The following WRN variants were observed in gnomAD, a reference collection of about 807,000 sequenced individuals.
WRN encodes WRN RecQ like helicase, also known as bifunctional 3'-5' exonuclease/ATP-dependent helicase WRN.
Under a neutral mutation model 180.7 loss-of-function variants are expected in WRN, and 149 were observed. The observed-to-expected ratio is 0.82, with a 90% CI of 0.72 to 0.94. The LOEUF (loss-of-function observed/expected upper bound fraction) is 0.94. Among genes scored for constraint, WRN ranks in the 40% least tolerant of loss-of-function variants. The pLI is 0.00. For synonymous variants in WRN, 548 were observed against 568.9 expected, an observed-to-expected ratio of 0.96 and a Z score of 0.52; for missense variants, 1,661 against 1,700.1, an observed-to-expected ratio of 0.98 and a Z score of 0.40.
chr8:31,072,364 G>A (rs1812944583), intron 7 of WRN, among the ~76,000 whole-genome samples: 1 of 152,200 alleles, frequency 6.6e-6, no homozygotes, highest in African/African-American at 2.4e-5. Flanking sequence ...GTGATTTGAG[G>A]AGTGGTCATT....
At chr8:31,110,578 G>C (rs11574280) in intron 18 of WRN, among the ~76,000 whole-genome samples, 1 of 151,958 alleles carries the variant, frequency 6.6e-6, no homozygotes, top group Admixed American at 6.5e-5. Flanking sequence ...TTTTAATTTT[G>C]AGTCATATTC....
rs2130032327 is a variant in WRN at position 31,064,340 on chromosome 8, A to G, written c.261A>G (p.Pro87=). The change falls in exon 4 of 35, where the codon CCA becomes CCG. Residue 87 remains proline, a synonymous_variant. Coordinates refer to ENST00000298139, the MANE Select transcript of WRN (RefSeq NM_000553.6). Reference sequence around the variant, plus strand: ...TGGGATTTGACATGGAGTGGCCACCATTATACAATAGAGGGAAACTTGGCA... The same window carrying G: ...TGGGATTTGACATGGAGTGGCCACCGTTATACAATAGAGGGAAACTTGGCA... ...DVVGFDMEWP[P]LYNRGKLGKV... 1.9e-6 allele frequency: 3 copies of G among 1,614,150 alleles called. No individual in the cohort carries two copies. Among genetic ancestry groups the G allele is most frequent in the Non-Finnish European group, 2.5e-6 (3 of 1,180,008 alleles).
chr8:31,132,281 G>C, intron 23 of WRN, 84 bp from the exon 24 acceptor site: 4 of 1,507,532 alleles, frequency 2.7e-6, no homozygotes, highest in Non-Finnish European at 3.6e-6. Context: ...TTTTTTACTT[G>C]GCTAATTGTT....
chr8:31,068,318 A>G lies in WRN; in HGVS notation c.715A>G (p.Ile239Val), dbSNP rs781741859. Reference protein sequence around the residue: ...ILDDTVQRFAINKEEEILLSD... With the variant: ...ILDDTVQRFAVNKEEEILLSD... The stretch of plus-strand genomic sequence containing the variant: ...GGATGATACTGTGCAAAGGTTTGCT[A>G]TAAATAAAGGTATGTTAAGATCCAT... The change falls in exon 7 of 35, where the codon ATA (isoleucine) becomes GTA (valine). Residue 239 changes from isoleucine (I) to valine (V), a missense_variant. By Grantham distance (29) the Ile-to-Val change is conservative. This residue lies in a region of WRN where 500 missense variants were observed against 504.1 expected (regional missense o/e 0.99). Coordinates refer to ENST00000298139, the MANE Select transcript of WRN (RefSeq NM_000553.6). 1.2e-5 allele frequency: 19 copies of G among 1,605,692 alleles called. No homozygotes were observed. The highest frequency in any genetic ancestry group is 2.2e-5 in the East Asian group (1 of 44,750).
rs72226104 is a variant in WRN at position 31,049,210 on chromosome 8, C to CAAAAAAA, written c.-76-9141_-76-9135dup. Among the ~76,000 whole-genome samples the CAAAAAAA allele has an allele frequency of 1.8e-3, 57 of 31,690 alleles. 2 individuals are homozygous for CAAAAAAA. The highest frequency in any genetic ancestry group is 2.7e-3 in the South Asian group (1 of 370). The allele number at this position is 31,690 out of a possible 152,430, so 20.8% of individuals were successfully genotyped here. ...TGGGCGACAGTGCGAGACTCTGTCT[C>CAAAAAAA]AAAAAAAAAAAAAAAAAAAAAAAAA... On this transcript the variant is annotated intron_variant, in intron 1 of 34. Coordinates refer to ENST00000298139, the MANE Select transcript of WRN (RefSeq NM_000553.6).
At chr8:31,060,783 G>A (rs1392632171) in intron 3 of WRN, among the ~76,000 whole-genome samples, 2 of 152,112 alleles carry the variant, frequency 1.3e-5, no homozygotes, top group East Asian at 3.9e-4. Context: ...ATATCTGAAG[G>A]CAATTAGCAC....
intron 19 of WRN, among the ~76,000 whole-genome samples, chr8:31,113,231 A>G (rs1477516045): frequency 1.3e-5 from 2 of 151,782 alleles, no homozygotes; most frequent in African/African-American, 4.8e-5. Flanking sequence ...GCTTCTACCA[A>G]TACAAACACA....
intron 1 of WRN, among the ~76,000 whole-genome samples, chr8:31,046,823 C>G (rs1027555829): frequency 1.2e-4 from 19 of 152,194 alleles, no homozygotes; most frequent in African/African-American, 4.6e-4. Context: ...ATTCATAAAA[C>G]AGAGTCTCTG....
intron 1 of WRN, among the ~76,000 whole-genome samples, chr8:31,036,494 T>C (rs942362126): frequency 6.6e-6 from 1 of 152,196 alleles, no homozygotes; most frequent in Non-Finnish European, 1.5e-5. Context: ...AGTTCCCTTT[T>C]CTCCACATCC....
chr8:31,131,319 C>A (rs1467827771), intron 23 of WRN, among the ~76,000 whole-genome samples: 1 of 151,874 alleles, frequency 6.6e-6, no homozygotes, highest in African/African-American at 2.4e-5. Flanking sequence ...CCATGCCTGG[C>A]TAATTTTTGT....
intron 33 of WRN, among the ~76,000 whole-genome samples, chr8:31,163,364 G>C (rs1803713388): frequency 6.6e-6 from 1 of 152,180 alleles, no homozygotes; most frequent in Non-Finnish European, 1.5e-5. Context: ...AATGAAACTG[G>C]AAATCATTAC....
At chr8:31,067,738 A>C (rs1227024957) in intron 6 of WRN, among the ~76,000 whole-genome samples, 1 of 152,170 alleles carries the variant, frequency 6.6e-6, no homozygotes, top group Non-Finnish European at 1.5e-5. Context: ...TTTTTAAGAA[A>C]TGTATTTTAT....
At chr8:31,145,709 G>A (rs552569116) in intron 28 of WRN, among the ~76,000 whole-genome samples, 2 of 152,258 alleles carry the variant, frequency 1.3e-5, no homozygotes, top group African/African-American at 4.8e-5. Context: ...GGGTTTTTAA[G>A]AGGTTTTCCA....
At chr8:31,141,803 C>G in intron 26 of WRN, 28 bp downstream of exon 26, 1 of 1,597,400 alleles carries the variant, frequency 6.3e-7, no homozygotes, top group South Asian at 1.1e-5. Context: ...TTTCTTGTAA[C>G]TTCTGCATTT....
chr8:31,111,974 G>A (rs1012634763), intron 19 of WRN, among the ~76,000 whole-genome samples, 175 bp downstream of exon 19: 1 of 152,032 alleles, frequency 6.6e-6, no homozygotes, highest in Non-Finnish European at 1.5e-5. Flanking sequence ...CAGTGATTGA[G>A]ACTAGTGTAT....
intron 7 of WRN, among the ~76,000 whole-genome samples, chr8:31,071,701 C>T (rs768641652): frequency 6.6e-6 from 1 of 152,100 alleles, no homozygotes; most frequent in Non-Finnish European, 1.5e-5. Context: ...AGGCTGGTCT[C>T]GAACTCCTGG....
rs572353947 is a variant in WRN at position 31,141,616 on chromosome 8, G to C, written c.3138+16G>C. On this transcript the variant is annotated intron_variant, in intron 25 of 34. Transcript: ENST00000298139. The stretch of plus-strand genomic sequence containing the variant: ...TACGAAAAAGGTAAACGGTGTAGGA[G>C]TCTGCCTGTTTGACTTAATTTTGTT... 34 of 1,614,086 alleles carry C rather than the reference G, an allele frequency of 2.1e-5. 1 individual carries two copies. The South Asian group carries it at 3.4e-4, about 16-fold the overall frequency.
chr8:31,137,780 G>A (rs555943307), intron 24 of WRN, among the ~76,000 whole-genome samples: 2 of 152,044 alleles, frequency 1.3e-5, no homozygotes, highest in African/African-American at 4.8e-5. Context: ...GTGTGGAGGG[G>A]GTGCGTGTGA....
Position 31,157,456 on chromosome 8 carries a change from T to A in WRN, c.3908T>A (p.Leu1303Ter). The A allele has an allele frequency of 6.2e-7, 1 of 1,614,188 alleles. No individual in the cohort carries two copies. The highest frequency in any genetic ancestry group is 8.5e-7 in the Non-Finnish European group (1 of 1,180,028). The change falls in exon 33 of 35, where the codon TTG (leucine) becomes TAG (stop). Residue 1303 changes from leucine (L) to a stop codon, truncating the protein, a stop_gained. Transcript: ENST00000298139. LOFTEE classifies it high-confidence loss of function. ...QAVKAGCPLD[L>*]ERAGLTPEVQ... ...GTGAAAGCTGGCTGCCCCCTTGATTTGGAGCGAGCAGGCCTGACTCCAGAG... is the reference window on the plus strand; with the variant it reads ...GTGAAAGCTGGCTGCCCCCTTGATTAGGAGCGAGCAGGCCTGACTCCAGAG...
Sources: allele counts gnomAD v4.1 joint callset (sites outside exome capture counted in the v4.1 genomes callset), GRCh38; gene constraint gnomAD v4.1.1; regional missense constraint gnomAD v4.1.1; transcripts MANE v1.5; gene names NCBI Gene and HGNC (gene_info 2026-07-23, HGNC 2026-07-21).